ZNF248: variants seen among roughly 807,000 people sequenced by gnomAD.
ZNF248 encodes the protein KRAB protein domain.
ZNF248 carries 20 observed loss-of-function variants against 44.3 expected under a neutral mutation model. The ratio of observed to expected loss-of-function variants is 0.45; its 90% CI spans 0.32 to 0.66. The LOEUF is 0.66. Ranked by LOEUF, ZNF248 falls within the 30% of genes least tolerant of loss-of-function variation. The pLI is 0.04. For synonymous variants in ZNF248, 224 were observed against 229.0 expected, an observed-to-expected ratio of 0.98 and a Z score of 0.20; for missense variants, 654 against 677.0, an observed-to-expected ratio of 0.97 and a Z score of 0.38.
chr10:37,777,531 G>C lies in ZNF248; in HGVS notation c.331-956C>G, dbSNP rs1295114182. Among the ~76,000 whole-genome samples the C allele has an allele frequency of 2.1e-5, 3 of 141,414 alleles. No homozygotes were observed. The East Asian group carries it at 6.0e-4, about 28-fold the overall frequency. 92.8% of individuals were successfully genotyped at this position (141,414 alleles called of 152,430 possible). ...TTTACTGCATTGCAGCCTGGTCTTC[G>C]ACTCTTTTTTTTTTTTTTTTCAATT... On this transcript the variant is annotated intron_variant, in intron 6 of 6. Transcript: ENST00000615949.
At chr10:37,850,845 T>C (rs1442956307) in intron 3 of ZNF248, among the ~76,000 whole-genome samples, 2 of 151,902 alleles carry the variant, frequency 1.3e-5, no homozygotes, top group African/African-American at 4.8e-5. Context: ...CATATAAAAC[T>C]ATATAATTTT....
chr10:37,767,261 G>C, the ZNF248 span, among the ~76,000 whole-genome samples: 1 of 152,044 alleles, frequency 6.6e-6, no homozygotes. Flanking sequence ...TCAGATTCAG[G>C]AAATATAGAG....
At chr10:37,828,215 A>G (rs1589567754), downstream of ZNF248, among the ~76,000 whole-genome samples, 3 of 152,172 alleles carry the variant, frequency 2.0e-5, no homozygotes, top group East Asian at 5.8e-4. Flanking sequence ...ATGTGAACAC[A>G]CTCTTCTTCG....
At chr10:37,836,974 C>T (rs961874907) in intron 5 of ZNF248, among the ~76,000 whole-genome samples, 6 of 150,530 alleles carry the variant, frequency 4.0e-5, no homozygotes, top group African/African-American at 7.4e-5. Context: ...TCTAAGACAA[C>T]GGAAGGAAGG....
At chr10:37,842,884 A>G (rs975461719) in intron 3 of ZNF248, among the ~76,000 whole-genome samples, 1 of 152,208 alleles carries the variant, frequency 6.6e-6, no homozygotes, top group African/African-American at 2.4e-5. Flanking sequence ...AATGTATACA[A>G]GCTTTAAGAA....
At position 37,820,366 on chromosome 10, in the gene ZNF248, C is replaced by T. The variant is rs1438511431; in HGVS notation, c.330+12659G>A. Reference sequence around the variant, plus strand: ...CCCCTTTGTGCCAGCTGCTCTGGGTCAAGCCGAGGTTTTGTTAGCATTGCT... The same window carrying T: ...CCCCTTTGTGCCAGCTGCTCTGGGTTAAGCCGAGGTTTTGTTAGCATTGCT... On this transcript the variant is annotated intron_variant, in intron 6 of 6. Transcript: ENST00000615949. 13 of 1,445,150 alleles carry T rather than the reference C, an allele frequency of 9.0e-6. No homozygotes were observed. The Admixed American group carries it at 1.3e-4, about 15-fold the overall frequency. The allele number at this position is 1,445,150 out of a possible 1,614,324, so 89.5% of individuals were successfully genotyped here.
rs1446939446 is a variant in ZNF248 at position 37,832,836 on chromosome 10, T to G, written c.519A>C (p.Lys173Asn). ...KKPDEFNVCEKLLLDIRHEKI... is the reference protein window; with the variant it reads ...KKPDEFNVCENLLLDIRHEKI... ...TCTCATGCCTAATATCAAGGAGCAA[T>G]TTCTCACATACATTAAACTCATCAG... Residue 173 changes from lysine to asparagine, a missense_variant, in exon 6 of 6, where the codon AAA becomes AAC. Coordinates refer to ENST00000395867, the MANE Select transcript of ZNF248 (RefSeq NM_021045.3). 1 of 1,613,798 alleles carries G rather than the reference T, an allele frequency of 6.2e-7. No individual in the cohort carries two copies. Among genetic ancestry groups the G allele is most frequent in the Non-Finnish European group, 8.5e-7 (1 of 1,179,868 alleles).
chr10:37,819,754 G>C (rs1564530092), intron 6 of ZNF248: 3 of 781,746 alleles, frequency 3.8e-6, no homozygotes, highest in East Asian at 2.4e-5. Flanking sequence ...CAGCTCCATT[G>C]GTCCTGCTTT....
At chr10:37,802,882 G>C (rs2049999004) in intron 6 of ZNF248, 1 of 152,216 alleles carries the variant, frequency 6.6e-6, no homozygotes, top group Admixed American at 6.5e-5. Context: ...TACCACAGTG[G>C]TATGATTCAC....
At chr10:37,779,631 T>G (rs1424534646) in intron 6 of ZNF248, among the ~76,000 whole-genome samples, 1 of 151,760 alleles carries the variant, frequency 6.6e-6, no homozygotes, top group Non-Finnish European at 1.5e-5. Context: ...CTCTCACCAC[T>G]CCTATTCAAC....
At chr10:37,795,503 A>G (rs1283594787) in intron 6 of ZNF248, 1 of 152,086 alleles carries the variant, frequency 6.6e-6, no homozygotes, top group East Asian at 1.9e-4. Flanking sequence ...CCCTCTCCCA[A>G]CATGAGATCT....
intron 3 of ZNF248, among the ~76,000 whole-genome samples, chr10:37,839,200 C>T (rs2057828997): frequency 6.6e-6 from 1 of 152,122 alleles, no homozygotes; most frequent in African/African-American, 2.4e-5. Context: ...AGTGAGTTTC[C>T]TTGGTACACA....
chr10:37,780,778 C>T (rs2132880473), intron 6 of ZNF248, among the ~76,000 whole-genome samples: 1 of 152,284 alleles, frequency 6.6e-6, no homozygotes, highest in South Asian at 2.1e-4. Context: ...CCCGCTCCCA[C>T]TGCCCCCGAG....
intron 5 of ZNF248, among the ~76,000 whole-genome samples, chr10:37,835,324 T>A (rs1589691183): frequency 2.6e-5 from 4 of 152,166 alleles, no homozygotes; most frequent in Non-Finnish European, 1.5e-5. Context: ...TTAACAGGTT[T>A]ATTAGTACGG....
At chr10:37,818,972 C>A (rs1172145581) in intron 6 of ZNF248, 1 of 1,059,282 alleles carries the variant, frequency 9.4e-7, no homozygotes, top group Non-Finnish European at 1.5e-6. Flanking sequence ...TCTTTCTCAA[C>A]CACAAAACTC....
chr10:37,765,513 C>T, the ZNF248 span, among the ~76,000 whole-genome samples: 9 of 152,184 alleles, frequency 5.9e-5, no homozygotes, highest in East Asian at 1.9e-4. Flanking sequence ...TTAAGTAACA[C>T]CAGTCTCCCA....
At chr10:37,813,174 G>A (rs1589348102) in intron 6 of ZNF248, among the ~76,000 whole-genome samples, 2 of 152,126 alleles carry the variant, frequency 1.3e-5, no homozygotes, top group Admixed American at 6.6e-5. Context: ...ACCATGAGGC[G>A]TAAGACGTAG....
chr10:37,811,291 T>C (rs2051445914), intron 6 of ZNF248, among the ~76,000 whole-genome samples: 1 of 152,184 alleles, frequency 6.6e-6, no homozygotes, highest in Non-Finnish European at 1.5e-5. Context: ...TGCAAAAACT[T>C]TGCACTTTTA....
At chr10:37,804,126 A>G in intron 6 of ZNF248, among the ~76,000 whole-genome samples, 1 of 127,586 alleles carries the variant, frequency 7.8e-6, no homozygotes, top group Admixed American at 8.9e-5. Flanking sequence ...TTTTTGAGAC[A>G]GGGTTTCTCT....
Sources: gnomAD v4.1 joint callset for allele counts (sites outside exome capture counted in the v4.1 genomes callset) on GRCh38, gnomAD v4.1.1 for gene constraint, MANE v1.5 for transcripts, NCBI Gene and HGNC (gene_info 2026-07-23, HGNC 2026-07-21) for gene names.